Variants in FOXJ3 observed in about 807,000 individuals in gnomAD.
FOXJ3 encodes forkhead box J3.
A neutral mutation model predicts 76.1 loss-of-function variants in FOXJ3; 22 were observed. The observed-to-expected ratio is 0.29, with a 90% CI of 0.21 to 0.41. FOXJ3 has a LOEUF of 0.41. FOXJ3 is among the 10% of genes least tolerant of loss of function. The probability of loss-of-function intolerance (pLI) is 1.00; values close to 1 mark genes in which losing one functional copy is unlikely to be tolerated. For synonymous variants in FOXJ3, 269 were observed against 261.2 expected (o/e 1.03, Z -0.29); for missense variants, 613 against 762.1 (o/e 0.80, Z 2.30).
At chr1:42,321,811 G>A (rs990522296) in intron 1 of FOXJ3, among the ~76,000 whole-genome samples, 1 of 152,058 alleles carries the variant, frequency 6.6e-6, no homozygotes, top group Non-Finnish European at 1.5e-5. Flanking sequence ...GAAACCAAAC[G>A]TGGGTTCCTG....
intron 2 of FOXJ3, among the ~76,000 whole-genome samples, chr1:42,300,395 T>C (rs541790173): frequency 6.6e-6 from 1 of 152,336 alleles, no homozygotes; most frequent in African/African-American, 2.4e-5. Flanking sequence ...AGTATAGTGA[T>C]GATGAATTCC....
intron 7 of FOXJ3, among the ~76,000 whole-genome samples, chr1:42,197,084 G>GGAACGTCTTT (rs1646665608): frequency 1.3e-5 from 2 of 152,128 alleles, no homozygotes; most frequent in Non-Finnish European, 2.9e-5. Context: ...TGCATATCAA[G>GGAACGTCTTT]GAACGTCTTT....
At chr1:42,298,558 T>C (rs1328611790) in intron 2 of FOXJ3, among the ~76,000 whole-genome samples, 1 of 152,130 alleles carries the variant, frequency 6.6e-6, no homozygotes, top group East Asian at 1.9e-4. Context: ...CTTTTTTTTT[T>C]CTTGGTTAAC....
intron 5 of FOXJ3, among the ~76,000 whole-genome samples, chr1:42,221,615 CCACT>C (rs1647187724): frequency 6.6e-6 from 1 of 151,904 alleles, no homozygotes; most frequent in African/African-American, 2.4e-5. Context: ...GCCACCACAC[CCACT>C]ATTTTTTTTT....
chr1:42,316,777 T>C (rs1301689676), intron 1 of FOXJ3, among the ~76,000 whole-genome samples: 1 of 152,166 alleles, frequency 6.6e-6, no homozygotes, highest in Non-Finnish European at 1.5e-5. Flanking sequence ...CACTTAGGAA[T>C]GGAAAACCAA....
At position 42,226,045 on chromosome 1, in the gene FOXJ3, A is replaced by G. The variant is rs1037005685; in HGVS notation, c.528+1838T>C. Reference sequence around the variant, plus strand: ...GAAGAACGCAATTCTTCAGCTCTTCAATCTTTTCCAAATTGTTTAACAATG... The same window carrying G: ...GAAGAACGCAATTCTTCAGCTCTTCGATCTTTTCCAAATTGTTTAACAATG... On this transcript the variant is annotated intron_variant, in intron 5 of 12. Coordinates refer to ENST00000361346, the MANE Select transcript of FOXJ3 (RefSeq NM_014947.5). 3.3e-5 allele frequency among the ~76,000 whole-genome samples: 5 copies of G among 152,230 alleles called. 1 individual carries two copies. Among genetic ancestry groups the G allele is most frequent in the South Asian group, 4.1e-4 (2 of 4,834 alleles).
intron 1 of FOXJ3, among the ~76,000 whole-genome samples, chr1:42,326,961 C>T (rs2124789581): frequency 6.6e-6 from 1 of 152,306 alleles, no homozygotes; most frequent in Non-Finnish European, 1.5e-5. Flanking sequence ...GGCACTGAGT[C>T]CTACCTAGCT....
intron 2 of FOXJ3, among the ~76,000 whole-genome samples, chr1:42,292,868 A>C (rs531716849): frequency 6.6e-6 from 1 of 152,212 alleles, no homozygotes; most frequent in Non-Finnish European, 1.5e-5. Flanking sequence ...TGGGAGGCTA[A>C]GGTGGGCAGA....
chr1:42,290,952 T>C (rs1653376461), intron 2 of FOXJ3, among the ~76,000 whole-genome samples: 2 of 152,070 alleles, frequency 1.3e-5, no homozygotes, highest in South Asian at 4.1e-4. Context: ...AGGTTTACTG[T>C]AAAATTCCAA....
At chr1:42,203,293 C>T (rs1262652598) in intron 6 of FOXJ3, among the ~76,000 whole-genome samples, 1 of 152,180 alleles carries the variant, frequency 6.6e-6, no homozygotes, top group Non-Finnish European at 1.5e-5. Flanking sequence ...CCCCCAACTG[C>T]ATGTTTAGTT....
intron 4 of FOXJ3, among the ~76,000 whole-genome samples, chr1:42,229,881 T>C (rs558057793): frequency 6.6e-6 from 1 of 152,336 alleles, no homozygotes; most frequent in African/African-American, 2.4e-5. Flanking sequence ...CCACTTTTCA[T>C]AGAAATGACA....
At chr1:42,213,112 G>GAAT (rs754304591) in intron 5 of FOXJ3, among the ~76,000 whole-genome samples, 1 of 151,962 alleles carries the variant, frequency 6.6e-6, no homozygotes, top group Non-Finnish European at 1.5e-5. Flanking sequence ...ATGCGCAAAA[G>GAAT]AATAGAAACT....
At chr1:42,254,952 C>G (rs1650460212) in intron 4 of FOXJ3, among the ~76,000 whole-genome samples, 1 of 148,984 alleles carries the variant, frequency 6.7e-6, no homozygotes, top group Admixed American at 6.7e-5. Context: ...TACCCTAAAA[C>G]TTAAAGTATA....
chr1:42,191,780 G>A, intron 8 of FOXJ3, 61 bp from the exon 9 acceptor site: 1 of 1,552,656 alleles, frequency 6.4e-7, no homozygotes, highest in Non-Finnish European at 8.8e-7. Context: ...ACAAACATTT[G>A]TAAAATTATT....
chr1:42,280,443 A>AAG, intron 2 of FOXJ3: 1 of 945,614 alleles, frequency 1.1e-6, no homozygotes, highest in Non-Finnish European at 1.3e-6. Context: ...GATCTTAAAA[A>AAG]AAAAAAAAAA....
At chr1:42,296,523 T>C (rs566883944) in intron 2 of FOXJ3, among the ~76,000 whole-genome samples, 1 of 152,366 alleles carries the variant, frequency 6.6e-6, no homozygotes, top group East Asian at 1.9e-4. Flanking sequence ...TGCATATGGC[T>C]AGCCAATATC....
intron 4 of FOXJ3, among the ~76,000 whole-genome samples, chr1:42,238,036 AT>A (rs915781376): frequency 6.6e-6 from 1 of 151,370 alleles, no homozygotes; most frequent in African/African-American, 2.4e-5. Context: ...ACCATTTTTT[AT>A]TTTTTTACTT....
At chr1:42,231,726 T>C (rs910190198) in intron 4 of FOXJ3, among the ~76,000 whole-genome samples, 1 of 152,188 alleles carries the variant, frequency 6.6e-6, no homozygotes, top group Non-Finnish European at 1.5e-5. Flanking sequence ...TAATGCAGCC[T>C]TGACCTCCAA....
intron 4 of FOXJ3, among the ~76,000 whole-genome samples, chr1:42,250,917 C>A (rs867952280): frequency 6.7e-6 from 1 of 149,066 alleles, no homozygotes; most frequent in African/African-American, 2.5e-5. Flanking sequence ...ACCTGAAGAA[C>A]AAAAAGATGA....
Sources: allele counts gnomAD v4.1 joint callset (sites outside exome capture counted in the v4.1 genomes callset), GRCh38; gene constraint gnomAD v4.1.1; transcripts MANE v1.5; gene names NCBI Gene and HGNC (gene_info 2026-07-23, HGNC 2026-07-21).